ANKFN1: variants seen among roughly 807,000 people sequenced by gnomAD.
ANKFN1 encodes the protein ankyrin repeat and fibronectin type-III domain-containing protein 1.
Under a neutral mutation model 108.7 loss-of-function variants are expected in ANKFN1, and 74 were observed. That is an observed-to-expected ratio of 0.68 (90% confidence interval 0.56 to 0.83). The LOEUF is 0.83. Ranked by LOEUF, ANKFN1 falls within the 40% of genes least tolerant of loss-of-function variation. The probability of loss-of-function intolerance (pLI) is 0.00; values close to 1 mark genes in which losing one functional copy is unlikely to be tolerated. For synonymous variants in ANKFN1, 547 were observed against 516.2 expected (o/e 1.06, Z -0.81); for missense variants, 1,505 against 1,382.3 (o/e 1.09, Z -1.41).
At chr17:56,508,007 C>A (rs935438156) in intron 20 of ANKFN1, among the ~76,000 whole-genome samples, 1 of 152,236 alleles carries the variant, frequency 6.6e-6, no homozygotes, top group Non-Finnish European at 1.5e-5. Flanking sequence ...AAAGCAGAGA[C>A]CATGTCTGTC....
chr17:56,064,778 C>G (rs1905034205), intron 4 of ANKFN1, among the ~76,000 whole-genome samples: 2 of 152,228 alleles, frequency 1.3e-5, no homozygotes, highest in Non-Finnish European at 2.9e-5. Flanking sequence ...GCTAAGTAGG[C>G]TTAAGCAGAT....
intron 4 of ANKFN1, among the ~76,000 whole-genome samples, chr17:56,062,573 T>TC (rs1555589521): frequency 6.9e-6 from 1 of 145,228 alleles, no homozygotes; most frequent in East Asian, 1.9e-4. Flanking sequence ...TTTTTTTTTT[T>TC]CTTTCCATTT....
chr17:56,328,785 AAG>A (rs1491312357), intron 4 of ANKFN1, among the ~76,000 whole-genome samples: 31 of 151,240 alleles, frequency 2.0e-4, no homozygotes, highest in Admixed American at 1.3e-4. Flanking sequence ...TTAAAAAAAA[AAG>A]GGGGGGCAGG....
chr17:56,300,767 A>G (rs572954338), intron 3 of ANKFN1, among the ~76,000 whole-genome samples: 2 of 152,234 alleles, frequency 1.3e-5, no homozygotes, highest in Admixed American at 6.5e-5. Context: ...ATCATTGGCA[A>G]TGTGCTGTGA....
chr17:56,368,036 TA>T, intron 6 of ANKFN1: 2 of 400,928 alleles, frequency 5.0e-6, no homozygotes, highest in East Asian at 6.5e-5. Flanking sequence ...ATCTTTAAAA[TA>T]AGGAAGTTGA....
chr17:56,081,973 G>A (rs1344710064), intron 4 of ANKFN1, among the ~76,000 whole-genome samples: 1 of 152,146 alleles, frequency 6.6e-6, no homozygotes, highest in Non-Finnish European at 1.5e-5. Context: ...ACCAATTTTA[G>A]GTTTTCTCTA....
intron 18 of ANKFN1, among the ~76,000 whole-genome samples, chr17:56,489,450 T>TAAAAAAA (rs79704215): frequency 5.0e-5 from 7 of 140,182 alleles, no homozygotes; most frequent in African/African-American, 1.8e-4. Context: ...GGTCTGGATT[T>TAAAAAAA]AAAAAAAAAA....
intron 8 of ANKFN1, among the ~76,000 whole-genome samples, chr17:56,426,778 A>G (rs2145088822): frequency 6.6e-6 from 1 of 152,354 alleles, no homozygotes; most frequent in Non-Finnish European, 1.5e-5. Flanking sequence ...GCTGAAGCCT[A>G]CTTGAGAATC....
intron 8 of ANKFN1, among the ~76,000 whole-genome samples, chr17:56,401,883 C>T (rs990430364): frequency 1.1e-4 from 17 of 151,996 alleles, no homozygotes; most frequent in African/African-American, 4.1e-4. Context: ...GCCAATTTTG[C>T]TGAGAGTTTT....
intron 3 of ANKFN1, among the ~76,000 whole-genome samples, chr17:56,301,619 C>T (rs965839925): frequency 2.0e-5 from 3 of 151,924 alleles, no homozygotes; most frequent in African/African-American, 7.3e-5. Flanking sequence ...TACACCTAGC[C>T]CCATTTAGCT....
At chr17:56,094,645 A>C (rs1905490220) in intron 4 of ANKFN1, among the ~76,000 whole-genome samples, 1 of 134,402 alleles carries the variant, frequency 7.4e-6, no homozygotes, top group Non-Finnish European at 1.6e-5. Flanking sequence ...CTGGGACTAC[A>C]GGCGCACACC....
intron 8 of ANKFN1, among the ~76,000 whole-genome samples, chr17:56,401,762 T>A (rs908777808): frequency 1.3e-5 from 2 of 152,050 alleles, no homozygotes; most frequent in African/African-American, 4.8e-5. Flanking sequence ...GCATCCTTGT[T>A]CTGTTCCAGT....
chr17:56,315,476 C>A (rs766163252), intron 3 of ANKFN1, among the ~76,000 whole-genome samples: 3 of 152,180 alleles, frequency 2.0e-5, no homozygotes, highest in Non-Finnish European at 4.4e-5. Context: ...CAGGGCAGCC[C>A]AGACAGAAGG....
intron 4 of ANKFN1, among the ~76,000 whole-genome samples, chr17:56,124,383 G>A (rs1039867439): frequency 3.3e-5 from 5 of 152,138 alleles, no homozygotes; most frequent in East Asian, 1.9e-4. Context: ...TCTGTTATAC[G>A]CCACTGTAGC....
At chr17:56,422,395 T>A (rs2048434072) in intron 8 of ANKFN1, among the ~76,000 whole-genome samples, 1 of 152,040 alleles carries the variant, frequency 6.6e-6, no homozygotes, top group Non-Finnish European at 1.5e-5. Flanking sequence ...CATTCTCCAG[T>A]CCCAGGCAGC....
chr17:56,299,544 AG>A (rs1598373737), intron 3 of ANKFN1, among the ~76,000 whole-genome samples: 1 of 152,212 alleles, frequency 6.6e-6, no homozygotes, highest in African/African-American at 2.4e-5. Context: ...TAGCTTGCCC[AG>A]GGGACTCCCA....
At chr17:56,115,871 A>G (rs1297579277) in intron 4 of ANKFN1, among the ~76,000 whole-genome samples, 1 of 152,176 alleles carries the variant, frequency 6.6e-6, no homozygotes, top group Non-Finnish European at 1.5e-5. Flanking sequence ...CTGGTCCTAC[A>G]GGGGAACGGC....
chr17:56,088,331 A>G (rs1905352877), intron 4 of ANKFN1, among the ~76,000 whole-genome samples: 1 of 150,514 alleles, frequency 6.6e-6, no homozygotes, highest in East Asian at 1.9e-4. Context: ...AAAATTTAAA[A>G]CTCCTTACTT....
chr17:56,233,274 A>G (rs1916870874), intron 3 of ANKFN1, among the ~76,000 whole-genome samples: 1 of 152,110 alleles, frequency 6.6e-6, no homozygotes, highest in Non-Finnish European at 1.5e-5. Context: ...ACTTCAACTA[A>G]TAATTTTATT....
Sources: gnomAD v4.1 joint callset for allele counts (sites outside exome capture counted in the v4.1 genomes callset) on GRCh38, gnomAD v4.1.1 for gene constraint, MANE v1.5 for transcripts, NCBI Gene and HGNC (gene_info 2026-07-23, HGNC 2026-07-21) for gene names.